UTRN: variants seen among roughly 807,000 people sequenced by gnomAD.
UTRN encodes utrophin.
Under a neutral mutation model 463.9 loss-of-function variants are expected in UTRN, and 283 were observed. The ratio of observed to expected loss-of-function variants is 0.61; its 90% CI spans 0.55 to 0.67. UTRN has a LOEUF of 0.67. Among genes scored for constraint, UTRN ranks in the 30% least tolerant of loss-of-function variants. The pLI is 0.00. For synonymous variants in UTRN, 1,442 were observed against 1,431.5 expected (o/e 1.01, Z -0.17); for missense variants, 3,922 against 4,084.3 (o/e 0.96, Z 1.08).
At position 144,437,567 on chromosome 6, in the gene UTRN, T is replaced by C; in HGVS notation, c.1062T>C (p.Ala354=). ...EVKDQFATHE[A]FMMELTAHQS... ...ATTATAACAATGTCCCTTTCTAGGC[T>C]TTTATGATGGAACTGACTGCACACC... Residue 354 remains alanine, a splice_region_variant and synonymous_variant, in exon 11 of 75, where the codon GCT becomes GCC. Coordinates refer to ENST00000367545, the MANE Select transcript of UTRN (RefSeq NM_007124.3). The C allele has an allele frequency of 6.2e-7, 1 of 1,603,028 alleles. No homozygotes were observed. Among genetic ancestry groups the C allele is most frequent in the Middle Eastern group, 1.7e-4 (1 of 5,994 alleles).
At chr6:144,670,771 C>T (rs1358438174) in intron 51 of UTRN, among the ~76,000 whole-genome samples, 1 of 152,076 alleles carries the variant, frequency 6.6e-6, no homozygotes, top group Non-Finnish European at 1.5e-5. Flanking sequence ...GGTTTCAGAT[C>T]TTAGATTTAA....
In UTRN at chr6:144,495,515, G is replaced by C. The variant is rs554040379; in HGVS notation, c.4593+2059G>C. 3.9e-5 allele frequency among the ~76,000 whole-genome samples: 6 copies of C among 152,260 alleles called. No individual in the cohort carries two copies. The South Asian group carries it at 1.2e-3, about 32-fold the overall frequency. ...TGGCGCGCAGCCCCGGTTCCCGCTC[G>C]CGCCTCTCCCTCCACACCTCCCTGC... is the stretch of plus-strand genomic sequence containing the variant. On this transcript the variant is annotated intron_variant, in intron 33 of 74. Transcript: ENST00000367545.
Position 144,456,881 on chromosome 6 carries a change from G to A in UTRN, c.2285-1889G>A, listed in dbSNP as rs554880420. Reference sequence around the variant, plus strand: ...TAAGCATATAAGCCCAGGAAGTTTGGTGAAGGTCCTATGTTTTGTAAACGT... The same window carrying A: ...TAAGCATATAAGCCCAGGAAGTTTGATGAAGGTCCTATGTTTTGTAAACGT... On this transcript the variant is annotated intron_variant, in intron 19 of 74. Transcript: ENST00000367545. Among the ~76,000 whole-genome samples, 3 of 152,054 alleles carry A rather than the reference G, an allele frequency of 2.0e-5. No homozygotes were observed. In the South Asian group the frequency reaches 6.2e-4, roughly 32 times the overall value.
chr6:144,448,714 C>G lies in UTRN; in HGVS notation c.2017C>G (p.Pro673Ala), dbSNP rs1291702104. 4.3e-6 allele frequency: 7 copies of G among 1,613,828 alleles called. No individual in the cohort carries two copies. Among genetic ancestry groups the G allele is most frequent in the Admixed American group, 1.7e-5 (1 of 59,976 alleles). ...AAAAAAATCTAAGCAGGAACTGCCTCCTCCTCCTCCCCCAAAGAAGAGACA... is the reference window on the plus strand; with the variant it reads ...AAAAAAATCTAAGCAGGAACTGCCTGCTCCTCCTCCCCCAAAGAAGAGACA... The part of the protein sequence containing the change: ...ITKKSKQELP[P>A]PPPPKKRQIH... The change falls in exon 17 of 75, where the codon CCT (proline) becomes GCT (alanine). Residue 673 changes from proline (P) to alanine (A), a missense_variant. Around this residue, in one of 3 missense-constraint regions of UTRN, gnomAD observed 2,349 missense variants for 2,303.8 expected, o/e 1.02. Transcript: ENST00000367545.
chr6:144,453,733 T>C (rs768713232), intron 18 of UTRN, 49 bp from the exon 19 acceptor site: 3 of 1,528,396 alleles, frequency 2.0e-6, no homozygotes, highest in Non-Finnish European at 2.7e-6. Context: ...AGCAACATTA[T>C]ATTGAGAAGA....
Position 144,750,628 on chromosome 6 carries a change from T to A in UTRN, c.8209-1178T>A, listed in dbSNP as rs77500110. Among the ~76,000 whole-genome samples the A allele has an allele frequency of 9.6e-3, 1,464 of 152,316 alleles. 24 individuals are homozygous for A. The highest frequency in any genetic ancestry group is 0.047 in the South Asian group (227 of 4,832). ...CAACACCTACTACTTCTAAATTTAG[T>A]TTGGTACATTATTAACTATAATTTT... On this transcript the variant is annotated intron_variant, in intron 55 of 74. Coordinates refer to ENST00000367545, the MANE Select transcript of UTRN (RefSeq NM_007124.3).
chr6:144,476,952 TAATGAGAGATATTA>T (rs1418815260), intron 25 of UTRN, among the ~76,000 whole-genome samples: 2 of 152,100 alleles, frequency 1.3e-5, no homozygotes, highest in South Asian at 4.1e-4. Flanking sequence ...TTATTTTTAA[TAATGAGAGATATTA>T]AATGAGAGAT....
rs886901313 is a variant in UTRN at position 144,684,488 on chromosome 6, G to A, written c.7652+5910G>A. 4.0e-5 allele frequency among the ~76,000 whole-genome samples: 6 copies of A among 151,790 alleles called. 1 individual carries two copies. The highest frequency in any genetic ancestry group is 3.3e-4 in the Admixed American group (5 of 15,240). On this transcript the variant is annotated intron_variant, in intron 52 of 74. Transcript: ENST00000367545. ...TGCCTTTATCCCTGTTCTAAGTCCC[G>A]TAGACCTTGTCACACTGGGAGTCAG...
chr6:144,324,664 T>C (rs1000451470), intron 2 of UTRN, among the ~76,000 whole-genome samples: 3 of 152,184 alleles, frequency 2.0e-5, no homozygotes, highest in Non-Finnish European at 1.5e-5. Flanking sequence ...GTGTATAAAT[T>C]AAAGAGAGCA....
At position 144,554,888 on chromosome 6, in the gene UTRN, A is replaced by G; in HGVS notation, c.7129A>G (p.Asn2377Asp). The G allele has an allele frequency of 6.2e-7, 1 of 1,613,982 alleles. No individual in the cohort carries two copies. The highest frequency in any genetic ancestry group is 8.5e-7 in the Non-Finnish European group (1 of 1,179,962). ...TCCACTCACCAAACAAATTTCTGAT[A>G]ACCAAGTAAGACTCATCAGATATTT... ...RDPLTKQISD[N>D]QILLQELGPG... The change falls in exon 49 of 75, where the codon AAC (asparagine) becomes GAC (aspartate). Residue 2377 changes from asparagine (N) to aspartate (D), a missense_variant. Asn to Asp is a conservative substitution (Grantham distance 23). Around this residue, in one of 3 missense-constraint regions of UTRN, gnomAD observed 1,309 missense variants for 1,452.6 expected, o/e 0.90. Coordinates refer to ENST00000367545, the MANE Select transcript of UTRN (RefSeq NM_007124.3).
intron 58 of UTRN, among the ~76,000 whole-genome samples, chr6:144,762,266 C>T (rs191425246): frequency 1.2e-4 from 18 of 152,268 alleles, no homozygotes; most frequent in African/African-American, 4.1e-4. Flanking sequence ...GATCACTATG[C>T]GGTGCTGTGT....
intron 25 of UTRN, among the ~76,000 whole-genome samples, chr6:144,476,507 C>T (rs1791219516): frequency 6.6e-6 from 1 of 152,092 alleles, no homozygotes; most frequent in Admixed American, 6.5e-5. Context: ...AAAGCTTCCA[C>T]TTTGTGTGAA....
intron 55 of UTRN, 123 bp from the exon 56 acceptor site, chr6:144,751,683 G>T (rs1200704069): frequency 5.5e-6 from 5 of 902,170 alleles, no homozygotes; most frequent in Middle Eastern, 6.8e-4. Context: ...CAGGAAGTTT[G>T]GTTGAGAAAA....
chr6:144,790,003 A>C (rs1004651592), intron 62 of UTRN, among the ~76,000 whole-genome samples: 1 of 152,172 alleles, frequency 6.6e-6, no homozygotes, highest in African/African-American at 2.4e-5. Context: ...ATTTCATTGA[A>C]TATTGCCAAC....
At chr6:144,619,234 T>A (rs1775097297) in intron 51 of UTRN, among the ~76,000 whole-genome samples, 1 of 152,194 alleles carries the variant, frequency 6.6e-6, no homozygotes, top group Non-Finnish European at 1.5e-5. Flanking sequence ...TGCCAGACTA[T>A]CATTATTAAT....
intron 58 of UTRN, among the ~76,000 whole-genome samples, chr6:144,758,622 A>G (rs1050361362): frequency 6.6e-6 from 1 of 152,060 alleles, no homozygotes; most frequent in African/African-American, 2.4e-5. Flanking sequence ...ATGACATTTT[A>G]TAAGTTTTGT....
intron 51 of UTRN, among the ~76,000 whole-genome samples, chr6:144,641,430 CTTCAGAGAGAACAGATTACAGATGTTTCA>C (rs1276175507): frequency 6.6e-6 from 1 of 152,132 alleles, no homozygotes; most frequent in Non-Finnish European, 1.5e-5. Flanking sequence ...AAGTAGCAGG[CTTCAGAGAGAACAGATTACAGATGTTTCA>C]TATCAGACTT....
chr6:144,401,495 A>G (rs1207618932), intron 2 of UTRN, among the ~76,000 whole-genome samples: 1 of 152,180 alleles, frequency 6.6e-6, no homozygotes, highest in Non-Finnish European at 1.5e-5. Context: ...ATCAGATAAT[A>G]TAAAGCTTGA....
chr6:144,771,538 G>A (rs1794011746), intron 58 of UTRN, among the ~76,000 whole-genome samples: 1 of 151,994 alleles, frequency 6.6e-6, no homozygotes, highest in Non-Finnish European at 1.5e-5. Context: ...CAATTCTCAT[G>A]CCTCACCCTC....
Sources: gnomAD v4.1 joint callset for allele counts (sites outside exome capture counted in the v4.1 genomes callset) on GRCh38, gnomAD v4.1.1 for gene constraint, gnomAD v4.1.1 regional missense constraint, MANE v1.5 for transcripts, NCBI Gene and HGNC (gene_info 2026-07-23, HGNC 2026-07-21) for gene names.